The following GPR78 variants were observed in gnomAD, a reference collection of about 807,000 sequenced individuals.
GPR78 encodes G protein-coupled receptor 78.
In GPR78, 29 loss-of-function variants were observed where a neutral mutation model predicts 17.9. That is an observed-to-expected ratio of 1.62 (90% CI 1.20 to 2.21). GPR78 has a LOEUF of 2.21. Among genes scored for constraint, GPR78 ranks in the 30% most tolerant of loss-of-function variants. The pLI is 0.00. For missense variants in GPR78, 649 were observed against 530.5 expected, an observed-to-expected ratio of 1.22 and a Z score of -2.19; for synonymous variants, 349 against 256.9, an observed-to-expected ratio of 1.36 and a Z score of -3.43.
intron 1 of GPR78, among the ~76,000 whole-genome samples, chr4:8,581,879 G>C (rs1486252101): frequency 1.3e-5 from 2 of 152,212 alleles, no homozygotes; most frequent in Non-Finnish European, 2.9e-5. Flanking sequence ...GGAGCTTTGC[G>C]CAGAGCTGTG....
chr4:8,585,540 G>A (rs1713469446), intron 2 of GPR78, among the ~76,000 whole-genome samples: 1 of 152,154 alleles, frequency 6.6e-6, no homozygotes, highest in Non-Finnish European at 1.5e-5. Context: ...CCCTGTATGT[G>A]GGGGTGACAG....
At chr4:8,583,988 C>T (rs1713397091) in intron 2 of GPR78, among the ~76,000 whole-genome samples, 1 of 152,196 alleles carries the variant, frequency 6.6e-6, no homozygotes, top group South Asian at 2.1e-4. Flanking sequence ...CATCCTTCTC[C>T]CGGGAACCAG....
chr4:8,581,760 A>T, intron 1 of GPR78, 110 bp downstream of exon 1: 1 of 793,882 alleles, frequency 1.3e-6, no homozygotes, highest in Non-Finnish European at 1.9e-6. Flanking sequence ...CCCAGAGTTC[A>T]CCAGCCACAG....
rs1464084872 is a variant in GPR78, at chr4:8,588,320, G to T, written c.*957G>T. Reference sequence around the variant, plus strand: ...AGAAGGTGGAGCATCCCTGAGTAGTGGTGTGCATCACCCCCAGTTTAGTAA... The same window carrying T: ...AGAAGGTGGAGCATCCCTGAGTAGTTGTGTGCATCACCCCCAGTTTAGTAA... On this transcript the variant is annotated 3_prime_UTR_variant, in exon 3 of 3. Coordinates refer to ENST00000382487, the MANE Select transcript of GPR78 (RefSeq NM_080819.5). Among the ~76,000 whole-genome samples, 1 of 152,166 alleles carries T rather than the reference G, an allele frequency of 6.6e-6. No individual in the cohort carries two copies. The highest frequency in any genetic ancestry group is 1.5e-5 in the Non-Finnish European group (1 of 68,032).
Position 8,581,600 on chromosome 4 carries a change from G to C in GPR78, c.618G>C (p.Met206Ile). The change falls in exon 1 of 3, where the codon ATG becomes ATC. Residue 206 changes from methionine (M) to isoleucine (I), a missense_variant. Transcript: ENST00000382487. ...HRVARRHCQR[M>I]DTVTMKALAL... ...TGGCACGCAGACACTGCCAGCGCATGGACACCGTCACCATGAAGGCGCTCG... is the reference window on the plus strand; with the variant it reads ...TGGCACGCAGACACTGCCAGCGCATCGACACCGTCACCATGAAGGCGCTCG... The C allele has an allele frequency of 1.3e-6, 2 of 1,548,104 alleles. No homozygotes were observed. The highest frequency in any genetic ancestry group is 1.7e-6 in the Non-Finnish European group (2 of 1,153,712).
rs1190282608 is a variant in GPR78, at chr4:8,589,874, C to T, written c.*2511C>T. Among the ~76,000 whole-genome samples the T allele has an allele frequency of 6.6e-6, 1 of 151,256 alleles. No individual in the cohort carries two copies. The highest frequency in any genetic ancestry group is 1.5e-5 in the Non-Finnish European group (1 of 67,954). ...CACTTCTCTGCCAGCCCATGTGGCT[C>T]CCACACTGGGCTATCCCTTGCCTTA... On this transcript the variant is annotated 3_prime_UTR_variant, in exon 3 of 3. Coordinates refer to ENST00000382487, the MANE Select transcript of GPR78 (RefSeq NM_080819.5).
intron 2 of GPR78, 86 bp downstream of exon 2, chr4:8,582,730 A>G: frequency 1.2e-6 from 1 of 868,600 alleles, no homozygotes; most frequent in Admixed American, 1.7e-5. Flanking sequence ...TTTCCCAGCA[A>G]GATATCTGGA....
rs775101473 is a variant in GPR78, at chr4:8,589,192, A to C, written c.*1829A>C. Among the ~76,000 whole-genome samples, 5 of 152,094 alleles carry C rather than the reference A, an allele frequency of 3.3e-5. No homozygotes were observed. Among genetic ancestry groups the C allele is most frequent in the Non-Finnish European group, 7.4e-5 (5 of 68,004 alleles). ...AGCCAAAACCAGGTGTTATTTGCTG[A>C]CTCACCAATGCCTCCCCCAAAAGGA... On this transcript the variant is annotated 3_prime_UTR_variant, in exon 3 of 3. Transcript: ENST00000382487.
rs1713544114 is a variant in GPR78, at chr4:8,587,173, T to C, written c.902T>C (p.Phe301Ser). Reference sequence around the variant, plus strand: ...ACGTACTCTCTGCTCCGCCGGCCGTTCCGCCAAGTCCTGGCCGGCATGGTG... The same window carrying C: ...ACGTACTCTCTGCTCCGCCGGCCGTCCCGCCAAGTCCTGGCCGGCATGGTG... ...PFTYSLLRRP[F>S]RQVLAGMVHR... Residue 301 changes from phenylalanine to serine, a missense_variant, in exon 3 of 3, where the codon TTC becomes TCC. Transcript: ENST00000382487. 6.2e-7 allele frequency: 1 copy of C among 1,613,174 alleles called. No homozygotes were observed. Among genetic ancestry groups the C allele is most frequent in the East Asian group, 2.2e-5 (1 of 44,868 alleles).
chr4:8,582,168 GA>G (rs1177652754), intron 1 of GPR78, among the ~76,000 whole-genome samples: 2 of 152,138 alleles, frequency 1.3e-5, no homozygotes, highest in Admixed American at 1.3e-4. Flanking sequence ...GCCCCCCACA[GA>G]ACACCCAAGA....
rs983758819 is a variant in GPR78, at chr4:8,581,563, A to G, written c.581A>G (p.Gln194Arg). The G allele has an allele frequency of 3.2e-6, 5 of 1,581,408 alleles. No individual in the cohort carries two copies. The highest frequency in any genetic ancestry group is 4.3e-6 in the Non-Finnish European group (5 of 1,171,722). Residue 194 changes from glutamine (Q) to arginine (R), a missense_variant, in exon 1 of 3, where the codon CAG (glutamine) becomes CGG (arginine). Gln to Arg is a conservative substitution (Grantham distance 43). Transcript: ENST00000382487. Reference sequence around the variant, plus strand: ...GCGGTGCTCTGCCTCACCTCGCTCCAGGTGCACCGGGTGGCACGCAGACAC... The same window carrying G: ...GCGGTGCTCTGCCTCACCTCGCTCCGGGTGCACCGGGTGGCACGCAGACAC... The part of the protein sequence containing the change: ...PLAVLCLTSL[Q>R]VHRVARRHCQ...
At chr4:8,584,764 A>G (rs910296588) in intron 2 of GPR78, among the ~76,000 whole-genome samples, 1 of 152,224 alleles carries the variant, frequency 6.6e-6, no homozygotes, top group Non-Finnish European at 1.5e-5. Context: ...TGAGGTTCTA[A>G]TGCAGTTGGT....
Position 8,583,416 on chromosome 4 carries a change from G to T in GPR78, c.782+772G>T, listed in dbSNP as rs7686776. ...GAATTTCTGGCCAGGCCCCTGAAGC[G>T]CTCAGGCTGTCTGGGAGGTCTCCAC... On this transcript the variant is annotated intron_variant, in intron 2 of 2. Transcript: ENST00000382487. Among the ~76,000 whole-genome samples, 391 of 152,276 alleles carry T rather than the reference G, an allele frequency of 2.6e-3. 4 individuals are homozygous for T. The highest frequency in any genetic ancestry group is 8.8e-3 in the African/African-American group (366 of 41,560).
At position 8,580,974 on chromosome 4, in the gene GPR78, G is replaced by A. The variant is rs761966174; in HGVS notation, c.-9G>A. 5.1e-6 allele frequency: 8 copies of A among 1,560,032 alleles called. 1 individual carries two copies. Among genetic ancestry groups the A allele is most frequent in the South Asian group, 4.7e-5 (4 of 84,806 alleles). ...AGAACCCCAGGGTGCCTGGCGAGCC[G>A]CTAGCGCCATGGGCCCCGGCGAGGC... On this transcript the variant is annotated 5_prime_UTR_variant, in exon 1 of 3. Coordinates refer to ENST00000382487, the MANE Select transcript of GPR78 (RefSeq NM_080819.5).
At position 8,581,517 on chromosome 4, in the gene GPR78, G is replaced by C; in HGVS notation, c.535G>C (p.Val179Leu). 6.3e-7 allele frequency: 1 copy of C among 1,590,364 alleles called. No individual in the cohort carries two copies. Residue 179 changes from valine to leucine, a missense_variant, in exon 1 of 3, where the codon GTG becomes CTG. Transcript: ENST00000382487. Reference protein sequence around the residue: ...FAAFTATLHAVGFVLPLAVLC... With the variant: ...FAAFTATLHALGFVLPLAVLC... ...AGCCTTCACCGCCACGCTCCATGCC[G>C]TGGGCTTCGTGCTGCCGCTGGCGGT...
intron 2 of GPR78, among the ~76,000 whole-genome samples, chr4:8,583,349 G>T (rs1441661947): frequency 6.7e-6 from 1 of 148,408 alleles, no homozygotes; most frequent in East Asian, 2.1e-4. Flanking sequence ...TAGAGATGGT[G>T]ACTGCTTGCT....
intron 2 of GPR78, among the ~76,000 whole-genome samples, chr4:8,585,226 G>C (rs1461809272): frequency 1.3e-5 from 2 of 152,216 alleles, no homozygotes; most frequent in African/African-American, 4.8e-5. Context: ...TTGAGCAGCA[G>C]TGGACACGTG....
rs138084089 is a variant in GPR78 at position 8,581,072 on chromosome 4, C to G, written c.90C>G (p.Cys30Trp). The G allele has an allele frequency of 3.1e-6, 5 of 1,605,806 alleles. No individual in the cohort carries two copies. The highest frequency in any genetic ancestry group is 4.2e-6 in the Non-Finnish European group (5 of 1,178,924). ...CCAACGCACTGGTGCTGCTTTGTTG[C>G]GCCTACAGCGCTGAGCTCCGCACTC... ...LLSNALVLLC[C>W]AYSAELRTRA... Residue 30 changes from cysteine to tryptophan, a missense_variant, in exon 1 of 3, where the codon TGC (cysteine) becomes TGG (tryptophan). Transcript: ENST00000382487.
chr4:8,580,799 C>T lies in GPR78; in HGVS notation c.-184C>T, dbSNP rs368935557. 9.6e-6 allele frequency: 6 copies of T among 626,464 alleles called. No individual in the cohort carries two copies. The highest frequency in any genetic ancestry group is 4.3e-4 in the Middle Eastern group (1 of 2,320). 38.8% of individuals were successfully genotyped at this position (626,464 alleles called of 1,614,324 possible). A position where few individuals can be genotyped will look rare whatever the true frequency, so the allele number is the denominator to read the frequency against. On this transcript the variant is annotated 5_prime_UTR_variant, in exon 1 of 3. Transcript: ENST00000382487. ...GCTCCGCAGAGCTACGCCCTCCCCC[C>T]GGGTGCCCCGGACCCTGCACTTGCC...
Sources: gnomAD v4.1 joint callset for allele counts (sites outside exome capture counted in the v4.1 genomes callset) on GRCh38, gnomAD v4.1.1 for gene constraint, MANE v1.5 for transcripts, NCBI Gene and HGNC (gene_info 2026-07-23, HGNC 2026-07-21) for gene names.